MSRA: variants seen among roughly 807,000 people sequenced by gnomAD.
The protein encoded by MSRA is methionine sulfoxide reductase A.
Under a neutral mutation model 31.3 loss-of-function variants are expected in MSRA, and 54 were observed. The observed-to-expected ratio is 1.73, with a 90% CI of 1.39 to 2.17. The LOEUF (loss-of-function observed/expected upper bound fraction) is 2.17, where lower values mean the gene tolerates loss of function less well. Ranked by LOEUF, MSRA falls within the 30% of genes most tolerant of loss-of-function variation. The pLI, the probability that MSRA is intolerant of heterozygous loss-of-function variation, is 0.00. For synonymous variants in MSRA, 169 were observed against 116.5 expected (o/e 1.45, Z -2.90); for missense variants, 507 against 300.9 (o/e 1.69, Z -5.07).
chr8:10,095,420 C>G (rs1001903036), intron 1 of MSRA: 3 of 964,584 alleles, frequency 3.1e-6, no homozygotes, highest in East Asian at 1.1e-4. Context: ...GGGTACCGTA[C>G]CACGGTTTCC....
intron 5 of MSRA, among the ~76,000 whole-genome samples, chr8:10,423,549 C>T (rs1469855013): frequency 1.3e-5 from 2 of 152,096 alleles, no homozygotes; most frequent in Admixed American, 1.3e-4. Flanking sequence ...CATCTGTAAC[C>T]CAGAGGTGAC....
chr8:10,108,163 G>C (rs769639611), intron 1 of MSRA, among the ~76,000 whole-genome samples: 41 of 152,218 alleles, frequency 2.7e-4, no homozygotes, highest in Admixed American at 5.9e-4. Context: ...CCCGTTCTCA[G>C]TGGTTCTATT....
At chr8:10,140,738 G>A (rs1254079216) in intron 1 of MSRA, among the ~76,000 whole-genome samples, 1 of 152,134 alleles carries the variant, frequency 6.6e-6, no homozygotes, top group Admixed American at 6.5e-5. Context: ...CTAAAAAGAA[G>A]CTTAACTCCT....
chr8:10,231,295 G>A (rs1563247420), intron 2 of MSRA, among the ~76,000 whole-genome samples: 1 of 152,146 alleles, frequency 6.6e-6, no homozygotes, highest in African/African-American at 2.4e-5. Flanking sequence ...TTGAGAGACT[G>A]GAAACGGTTT....
At chr8:10,181,218 C>G (rs1242924819) in intron 1 of MSRA, among the ~76,000 whole-genome samples, 1 of 152,140 alleles carries the variant, frequency 6.6e-6, no homozygotes, top group African/African-American at 2.4e-5. Context: ...AAGCAGAAGG[C>G]CTGGCAGGGA....
intron 5 of MSRA, among the ~76,000 whole-genome samples, chr8:10,345,534 TA>T (rs1342042145): frequency 3.3e-5 from 5 of 152,174 alleles, no homozygotes; most frequent in Admixed American, 2.6e-4. Context: ...CCACACAATG[TA>T]AAAATCAAAT....
At chr8:10,338,286 G>C (rs1029311093) in intron 5 of MSRA, among the ~76,000 whole-genome samples, 6 of 152,098 alleles carry the variant, frequency 3.9e-5, no homozygotes, top group African/African-American at 7.2e-5. Flanking sequence ...ACTTATATGT[G>C]GAATCTGAAG....
intron 1 of MSRA, among the ~76,000 whole-genome samples, chr8:10,098,540 A>G (rs1484437281): frequency 6.6e-6 from 1 of 152,184 alleles, no homozygotes; most frequent in Non-Finnish European, 1.5e-5. Context: ...CGGGGATGGA[A>G]GAGGGAATAG....
chr8:10,217,233 A>G (rs1810072437), intron 2 of MSRA, among the ~76,000 whole-genome samples: 2 of 152,226 alleles, frequency 1.3e-5, no homozygotes, highest in South Asian at 4.1e-4. Flanking sequence ...AGGACACTAT[A>G]TGTACTACAA....
At chr8:10,349,380 G>A (rs549919590) in intron 5 of MSRA, among the ~76,000 whole-genome samples, 1 of 152,082 alleles carries the variant, frequency 6.6e-6, no homozygotes, top group Admixed American at 6.5e-5. Context: ...TCCTCGGCCT[G>A]CACACGTACC....
At chr8:10,423,895 C>T (rs1471882891) in intron 5 of MSRA, among the ~76,000 whole-genome samples, 2 of 151,984 alleles carry the variant, frequency 1.3e-5, no homozygotes, top group African/African-American at 4.8e-5. Context: ...CCCAAGAATC[C>T]ATAGTTCATT....
chr8:10,265,298 G>C (rs1798688611), intron 3 of MSRA, among the ~76,000 whole-genome samples: 1 of 152,178 alleles, frequency 6.6e-6, no homozygotes, highest in Non-Finnish European at 1.5e-5. Context: ...GTCAAAGGCT[G>C]ATCTTGGCTC....
At chr8:10,426,966 G>A (rs919521414) in intron 5 of MSRA, among the ~76,000 whole-genome samples, 19 of 9,242 alleles carry the variant, frequency 2.1e-3, no homozygotes, top group Non-Finnish European at 4.2e-3. Flanking sequence ...TTGTCGTTCC[G>A]GACCTGCTGG....
chr8:10,310,390 C>A lies in MSRA; in HGVS notation c.436+8752C>A, dbSNP rs148785904. Reference sequence around the variant, plus strand: ...TGTTCTTTCAGTCACACTTTCCCTTCTATCACATTATCATACGTGTTCATA... The same window carrying A: ...TGTTCTTTCAGTCACACTTTCCCTTATATCACATTATCATACGTGTTCATA... On this transcript the variant is annotated intron_variant, in intron 4 of 5. Coordinates refer to ENST00000317173, the MANE Select transcript of MSRA (RefSeq NM_012331.5). Among the ~76,000 whole-genome samples the A allele has an allele frequency of 6.6e-5, 10 of 152,374 alleles. No homozygotes were observed. In the East Asian group the frequency reaches 1.9e-3, roughly 29 times the overall value.
intron 3 of MSRA, among the ~76,000 whole-genome samples, chr8:10,266,846 T>C (rs1437215533): frequency 6.6e-6 from 1 of 152,200 alleles, no homozygotes; most frequent in African/African-American, 2.4e-5. Flanking sequence ...ACAGAAGTCT[T>C]CTACCAGTAC....
chr8:10,183,566 T>C (rs890093234), intron 1 of MSRA, among the ~76,000 whole-genome samples: 13 of 152,114 alleles, frequency 8.5e-5, no homozygotes, highest in Non-Finnish European at 4.4e-5. Flanking sequence ...GTTCAAAATA[T>C]AGAAGTTCAG....
intron 5 of MSRA, among the ~76,000 whole-genome samples, chr8:10,419,856 G>C (rs1049605396): frequency 5.9e-5 from 9 of 152,172 alleles, no homozygotes; most frequent in Admixed American, 5.2e-4. Flanking sequence ...GGATCAGCTG[G>C]GTTGGGCAGG....
Position 10,118,950 on chromosome 8 carries a change from C to T in MSRA, c.142+64292C>T, listed in dbSNP as rs542614583. ...AATTCTTGGCTTTCCTGGTCCAGCC[C>T]GGGCTGGTCTGGTCCCCTCCAGATG... On this transcript the variant is annotated intron_variant, in intron 1 of 5. Transcript: ENST00000317173. 4.6e-5 allele frequency among the ~76,000 whole-genome samples: 7 copies of T among 152,220 alleles called. No individual in the cohort carries two copies. The South Asian group carries it at 6.2e-4, about 14-fold the overall frequency.
At chr8:10,118,375 T>G (rs958516199) in intron 1 of MSRA, among the ~76,000 whole-genome samples, 1 of 152,150 alleles carries the variant, frequency 6.6e-6, no homozygotes, top group Admixed American at 6.5e-5. Context: ...TGGCTCCAAC[T>G]ATGTGCAAAG....
Sources: allele counts gnomAD v4.1 joint callset (sites outside exome capture counted in the v4.1 genomes callset), GRCh38; gene constraint gnomAD v4.1.1; transcripts MANE v1.5; gene names NCBI Gene and HGNC (gene_info 2026-07-23, HGNC 2026-07-21).